Variants in ATP8B4 observed in about 807,000 individuals in gnomAD.
ATP8B4 encodes the protein probable phospholipid-transporting ATPase IM.
ATP8B4 carries 133 observed loss-of-function variants against 145.6 expected under a neutral mutation model. The ratio of observed to expected loss-of-function variants is 0.91; its 90% CI spans 0.79 to 1.05. The LOEUF (loss-of-function observed/expected upper bound fraction) is 1.05. Among genes scored for constraint, ATP8B4 ranks in the 50% least tolerant of loss-of-function variants. ATP8B4 has a pLI of 0.00. For synonymous variants in ATP8B4, 507 were observed against 492.9 expected (o/e 1.03, Z -0.38); for missense variants, 1,458 against 1,425.2 (o/e 1.02, Z -0.37).
chr15:50,178,117 G>A (rs567671203), intron 1 of ATP8B4, among the ~76,000 whole-genome samples: 1 of 152,268 alleles, frequency 6.6e-6, no homozygotes, highest in South Asian at 2.1e-4. Context: ...AAGACAGTGG[G>A]CATTTGAGGT....
chr15:50,058,504 A>T (rs2052766817), intron 3 of ATP8B4, among the ~76,000 whole-genome samples: 1 of 152,208 alleles, frequency 6.6e-6, no homozygotes, highest in Non-Finnish European at 1.5e-5. Context: ...AGGCACCCAT[A>T]AAGAATTTTC....
At chr15:49,862,085 G>A (rs2031925690) in intron 27 of ATP8B4, among the ~76,000 whole-genome samples, 160 bp downstream of exon 27, 2 of 152,206 alleles carry the variant, frequency 1.3e-5, no homozygotes, top group South Asian at 2.1e-4. Flanking sequence ...CATTCAAGAT[G>A]TGGGAAGTCC....
At chr15:49,965,926 A>G (rs2044493540) in intron 13 of ATP8B4, among the ~76,000 whole-genome samples, 1 of 152,158 alleles carries the variant, frequency 6.6e-6, no homozygotes, top group Non-Finnish European at 1.5e-5. Context: ...TAACTGGCTA[A>G]TCTCATTGGG....
chr15:50,019,490 A>G (rs913312479), intron 6 of ATP8B4, among the ~76,000 whole-genome samples: 2 of 152,250 alleles, frequency 1.3e-5, no homozygotes, highest in East Asian at 1.9e-4. Context: ...TCATTAAAGC[A>G]TTTTGTAAAC....
At chr15:50,103,679 T>C (rs1442175153) in intron 2 of ATP8B4, among the ~76,000 whole-genome samples, 1 of 152,068 alleles carries the variant, frequency 6.6e-6, no homozygotes, top group Admixed American at 6.6e-5. Context: ...ACAAATTCAA[T>C]GCAATTCCCA....
At position 49,860,303 on chromosome 15, in the gene ATP8B4, G is replaced by A. The variant is rs753410805; in HGVS notation, c.3470C>T (p.Ser1157Leu). 3 of 1,614,118 alleles carry A rather than the reference G, an allele frequency of 1.9e-6. No individual in the cohort carries two copies. Among genetic ancestry groups the A allele is most frequent in the Non-Finnish European group, 2.5e-6 (3 of 1,179,996 alleles). The change falls in exon 28 of 28, where the codon TCA becomes TTA. Residue 1157 changes from serine (S) to leucine (L), a missense_variant. Transcript: ENST00000284509. ...NMRAKNPPPT[S>L]GLEKTHYNST... ...ATTATAATGTGTCTTTTCCAGCCCTGATGTTGGGGGTGGATTTTTAGCTCG... is the reference window on the plus strand; with the variant it reads ...ATTATAATGTGTCTTTTCCAGCCCTAATGTTGGGGGTGGATTTTTAGCTCG...
chr15:50,173,106 G>C (rs569875149), intron 1 of ATP8B4, among the ~76,000 whole-genome samples: 3 of 149,466 alleles, frequency 2.0e-5, no homozygotes, highest in African/African-American at 4.9e-5. Context: ...CCGCCGCCCC[G>C]TCTGGGAGGT....
intron 3 of ATP8B4, among the ~76,000 whole-genome samples, chr15:50,068,334 A>G (rs1473814623): frequency 6.6e-6 from 1 of 152,230 alleles, no homozygotes; most frequent in East Asian, 1.9e-4. Context: ...CTGAATGAAC[A>G]CTTTGGAAAA....
At chr15:49,900,467 T>C (rs773942617) in intron 21 of ATP8B4, among the ~76,000 whole-genome samples, 10 of 152,236 alleles carry the variant, frequency 6.6e-5, no homozygotes, top group Non-Finnish European at 8.8e-5. Context: ...TTGGAGCTTT[T>C]GTATTTTAAA....
intron 2 of ATP8B4, among the ~76,000 whole-genome samples, chr15:50,082,777 T>C (rs2054636699): frequency 6.6e-6 from 1 of 152,232 alleles, no homozygotes; most frequent in Non-Finnish European, 1.5e-5. Context: ...TGAGCACTTA[T>C]TACAAGCTAG....
chr15:49,933,877 G>T, intron 15 of ATP8B4, 140 bp downstream of exon 15: 1 of 856,494 alleles, frequency 1.2e-6, no homozygotes. Flanking sequence ...TTTAACATCA[G>T]TTTCTGTGTT....
At chr15:49,938,002 A>G (rs1317741745) in intron 14 of ATP8B4, among the ~76,000 whole-genome samples, 3 of 152,200 alleles carry the variant, frequency 2.0e-5, no homozygotes, top group African/African-American at 7.2e-5. Flanking sequence ...AAGTGCCATG[A>G]TAAGGCAAGC....
rs980546038 is a variant in ATP8B4 at position 49,894,799 on chromosome 15, T to A, written c.2697+2493A>T. 3.7e-4 allele frequency: 57 copies of A among 152,304 alleles called. 1 individual carries two copies. The highest frequency in any genetic ancestry group is 3.7e-3 in the Admixed American group (56 of 15,266). 9.4% of individuals were successfully genotyped at this position (152,304 alleles called of 1,614,324 possible). On this transcript the variant is annotated intron_variant, in intron 23 of 27. Transcript: ENST00000284509. Reference sequence around the variant, plus strand: ...AACTGTGTGAGTGACTGGAGGCACGTCGGAATGGCTCTCTTTGCTGCACCT... The same window carrying A: ...AACTGTGTGAGTGACTGGAGGCACGACGGAATGGCTCTCTTTGCTGCACCT...
chr15:49,909,722 C>CAAA (rs995336781), intron 20 of ATP8B4, among the ~76,000 whole-genome samples: 4,866 of 71,840 alleles, frequency 0.068, 112 homozygotes, highest in Non-Finnish European at 0.081. Context: ...CTTTGTTTAC[C>CAAA]AAAAAAAAAA....
intron 3 of ATP8B4, among the ~76,000 whole-genome samples, chr15:50,050,111 C>T (rs1229996021): frequency 6.6e-6 from 1 of 152,182 alleles, no homozygotes; most frequent in East Asian, 1.9e-4. Flanking sequence ...ATTCCCAAAC[C>T]TTTCAACCAT....
intron 6 of ATP8B4, among the ~76,000 whole-genome samples, chr15:50,035,731 C>T: frequency 6.6e-6 from 1 of 152,192 alleles, no homozygotes; most frequent in East Asian, 1.9e-4. Flanking sequence ...CCCAAAGTCA[C>T]ACAGTAATCA....
chr15:50,131,855 A>T (rs11631433), intron 1 of ATP8B4, among the ~76,000 whole-genome samples: 48,499 of 150,590 alleles, frequency 0.32, 9,116 homozygotes, highest in Middle Eastern at 0.49. Context: ...GAAATATTTT[A>T]AAAATAATGG....
chr15:50,013,419 T>C (rs187784791), intron 6 of ATP8B4, among the ~76,000 whole-genome samples: 2 of 152,278 alleles, frequency 1.3e-5, no homozygotes, highest in Admixed American at 1.3e-4. Flanking sequence ...AAAACTCCTG[T>C]AGATGAATTG....
chr15:50,181,724 G>A (rs1283375257), intron 1 of ATP8B4, among the ~76,000 whole-genome samples: 1 of 152,186 alleles, frequency 6.6e-6, no homozygotes, highest in African/African-American at 2.4e-5. Context: ...TGGCAGTCGG[G>A]CTGGGAAGCA....
Sources: allele counts gnomAD v4.1 joint callset (sites outside exome capture counted in the v4.1 genomes callset), GRCh38; gene constraint gnomAD v4.1.1; transcripts MANE v1.5; gene names NCBI Gene and HGNC (gene_info 2026-07-23, HGNC 2026-07-21).